The following LCTL variants were observed in gnomAD, a reference collection of about 807,000 sequenced individuals.
LCTL encodes lactase-like protein.
LCTL carries 76 observed loss-of-function variants against 75.8 expected under a neutral mutation model. The observed-to-expected ratio is 1.00, with a 90% confidence interval of 0.83 to 1.21. The LOEUF (loss-of-function observed/expected upper bound fraction) is 1.21, where lower values mean the gene tolerates loss of function less well. Among genes scored for constraint, LCTL ranks in the 50% most tolerant of loss-of-function variants. LCTL has a pLI of 0.00. For missense variants in LCTL, 670 were observed against 712.4 expected (o/e 0.94, Z 0.68); for synonymous variants, 271 against 268.8 (o/e 1.01, Z -0.08).
chr15:66,548,283 G>C, exon 13 of LCTL: 1 of 371,614 alleles, frequency 2.7e-6, no homozygotes, highest in Non-Finnish European at 4.8e-6. Context: ...ACTTTAGGAG[G>C]GGTGAGATTA....
chr15:66,564,929 C>T lies in LCTL; in HGVS notation c.119-90G>A, dbSNP rs1012095938. The T allele has an allele frequency of 2.2e-5, 27 of 1,250,172 alleles. No homozygotes were observed. In the Admixed American group the frequency reaches 5.6e-4, roughly 26 times the overall value. The allele number at this position is 1,250,172 out of a possible 1,614,324, so 77.4% of individuals were successfully genotyped here. On this transcript the variant is annotated intron_variant, in intron 1 of 12. Coordinates refer to ENST00000341509, the Ensembl canonical transcript of LCTL. ...GGCTGTGCCTCCCAGGCCTCAGGGACTGCCCCTCCCTACCACGCTGCCCCT... is the reference window on the plus strand; with the variant it reads ...GGCTGTGCCTCCCAGGCCTCAGGGATTGCCCCTCCCTACCACGCTGCCCCT...
intron 12 of LCTL, 27 bp from the exon 14 acceptor site, chr15:66,548,632 A>G (rs776688821): frequency 2.7e-6 from 3 of 1,121,000 alleles, no homozygotes; most frequent in East Asian, 4.7e-5. Flanking sequence ...AACGAGCACC[A>G]CAAATGAGAA....
At chr15:66,557,940 G>A (rs747694425) in intron 7 of LCTL, 42 bp downstream of exon 8, 7 of 1,608,424 alleles carry the variant, frequency 4.4e-6, no homozygotes, top group Non-Finnish European at 4.3e-6. Flanking sequence ...GCTGCTCCGG[G>A]CACTTGGCTG....
intron 6 of LCTL, among the ~76,000 whole-genome samples, chr15:66,558,754 G>A (rs1176468826): frequency 2.0e-5 from 3 of 149,676 alleles, no homozygotes; most frequent in Admixed American, 6.7e-5. Flanking sequence ...GGAGTGCAGT[G>A]GTACAATCTT....
Position 66,563,397 on chromosome 15 carries a change from C to T in LCTL, c.480+119G>A, listed in dbSNP as rs1895942431. On this transcript the variant is annotated intron_variant, in intron 4 of 12. Transcript: ENST00000341509. ...TTTTCACTCACTCGCATCTTATAGT[C>T]CTGCGCCAGAATCCAGACCCTAGTC... 5 of 615,460 alleles carry T rather than the reference C, an allele frequency of 8.1e-6. No individual in the cohort carries two copies. The Admixed American group carries it at 8.4e-5, about 10-fold the overall frequency. The allele number at this position is 615,460 out of a possible 1,614,324, so 38.1% of individuals were successfully genotyped here.
In LCTL at chr15:66,552,074, G is replaced by T; in HGVS notation, c.1293C>A (p.Tyr431Ter). 1 of 1,612,950 alleles carries T rather than the reference G, an allele frequency of 6.2e-7. No individual in the cohort carries two copies. Among genetic ancestry groups the T allele is most frequent in the Non-Finnish European group, 8.5e-7 (1 of 1,179,656 alleles). Residue 431 changes from tyrosine (Y) to a stop codon, truncating the protein, a stop_gained, in exon 10 of 13, where the codon TAC (tyrosine) becomes TAA (stop). Coordinates refer to ENST00000341509, the Ensembl canonical transcript of LCTL. LOFTEE classifies it high-confidence loss of function. ...GCATTTCATTTATGTATCCTTTAAGGTATTGAATTCTCCACTCATCACATA... is the reference window on the plus strand; with the variant it reads ...GCATTTCATTTATGTATCCTTTAAGTTATTGAATTCTCCACTCATCACATA...
intron 4 of LCTL, among the ~76,000 whole-genome samples, chr15:66,561,704 G>A (rs536115356): frequency 6.6e-6 from 1 of 152,274 alleles, no homozygotes; most frequent in South Asian, 2.1e-4. Flanking sequence ...ACTTGTCACT[G>A]TATCGAGACT....
At chr15:66,552,345 A>G (rs957651650) in intron 9 of LCTL, among the ~76,000 whole-genome samples, 176 bp from the exon 11 acceptor site, 1 of 152,158 alleles carries the variant, frequency 6.6e-6, no homozygotes, top group African/African-American at 2.4e-5. Context: ...TAGGCAGGAG[A>G]CAGGTTCTTA....
chr15:66,561,039 G>C lies in LCTL; in HGVS notation c.672C>G (p.Thr224=), dbSNP rs529701551. 8 of 1,614,132 alleles carry C rather than the reference G, an allele frequency of 5.0e-6. No homozygotes were observed. The South Asian group carries it at 7.7e-5, about 16-fold the overall frequency. The change falls in exon 6 of 13, where the codon ACC becomes ACG. Residue 224 remains threonine (T), a synonymous_variant. Coordinates refer to ENST00000341509, the Ensembl canonical transcript of LCTL. ...TGTGGTGTGCTGCCTTGTACAGGCCGGTGCCGCGGAGCTTCAGGCCCGGCG... is the reference window on the plus strand; with the variant it reads ...TGTGGTGTGCTGCCTTGTACAGGCCCGTGCCGCGGAGCTTCAGGCCCGGCG...
At chr15:66,550,617 G>A (rs1004368630) in intron 11 of LCTL, among the ~76,000 whole-genome samples, 1 of 151,956 alleles carries the variant, frequency 6.6e-6, no homozygotes, top group African/African-American at 2.4e-5. Context: ...AGTCAGCTGG[G>A]ACTACAGGCG....
chr15:66,562,611 T>C (rs1895918479), intron 4 of LCTL, among the ~76,000 whole-genome samples: 1 of 151,128 alleles, frequency 6.6e-6, no homozygotes, highest in African/African-American at 2.4e-5. Flanking sequence ...TTAGACGGAA[T>C]TTCATTCTCA....
At chr15:66,564,576 C>CAG in intron 2 of LCTL, 100 bp downstream of exon 3, 2 of 1,355,588 alleles carry the variant, frequency 1.5e-6, no homozygotes, top group Non-Finnish European at 2.0e-6. Context: ...ACATTGTCAT[C>CAG]AGAGCTCCCC....
exon 11 of LCTL, chr15:66,551,789 C>T (rs2140834496): frequency 6.2e-7 from 1 of 1,613,814 alleles, no homozygotes. Context: ...ATCTGAGTAT[C>T]CTTTCTCCCA....
chr15:66,564,871 T>A, intron 1 of LCTL, 32 bp from the exon 3 acceptor site: 2 of 1,594,250 alleles, frequency 1.3e-6, no homozygotes, highest in Non-Finnish European at 1.7e-6. Flanking sequence ...GGGTCCCAGG[T>A]GCTCCCATGT....
rs189369800 is a variant in LCTL at position 66,561,994 on chromosome 15, T to C, written c.481-679A>G. The stretch of plus-strand genomic sequence containing the variant: ...CCAAATTCTAACTGAACCGAACTGC[T>C]TGCCCAGCTTCCCCCTCTTTGCCAT... On this transcript the variant is annotated intron_variant, in intron 4 of 12. Coordinates refer to ENST00000341509, the Ensembl canonical transcript of LCTL. 3.1e-3 allele frequency among the ~76,000 whole-genome samples: 467 copies of C among 152,202 alleles called. 1 individual carries two copies. The highest frequency in any genetic ancestry group is 0.011 in the African/African-American group (443 of 41,538).
chr15:66,564,933 C>T (rs1353632632), intron 1 of LCTL, 94 bp from the exon 3 acceptor site: 2 of 1,209,076 alleles, frequency 1.7e-6, no homozygotes, highest in Non-Finnish European at 2.3e-6. Context: ...CAGGGACTGC[C>T]CCTCCCTACC....
intron 6 of LCTL, among the ~76,000 whole-genome samples, chr15:66,560,186 G>C (rs1438071010): frequency 6.6e-6 from 1 of 152,074 alleles, no homozygotes; most frequent in Non-Finnish European, 1.5e-5. Context: ...TCCCTGATAT[G>C]AGTTTGGGGA....
At chr15:66,560,290 G>C (rs556233627) in intron 6 of LCTL, among the ~76,000 whole-genome samples, 5 of 152,038 alleles carry the variant, frequency 3.3e-5, no homozygotes, top group Non-Finnish European at 7.4e-5. Context: ...CGCATGCCTC[G>C]TATCCCTGTT....
At chr15:66,564,599 C>T in intron 2 of LCTL, 77 bp downstream of exon 3, 2 of 1,503,108 alleles carry the variant, frequency 1.3e-6, no homozygotes, top group Non-Finnish European at 1.8e-6. Context: ...AACGTCACTC[C>T]CTGCCTCCCA....
Sources: gnomAD v4.1 joint callset for allele counts (sites outside exome capture counted in the v4.1 genomes callset) on GRCh38, gnomAD v4.1.1 for gene constraint, MANE v1.5 for transcripts, NCBI Gene and HGNC (gene_info 2026-07-23, HGNC 2026-07-21) for gene names.